The following KIF26A variants were observed in gnomAD, a reference collection of about 807,000 sequenced individuals.
KIF26A encodes kinesin family member 26A.
A neutral mutation model predicts 126.0 loss-of-function variants in KIF26A; 74 were observed. The ratio of observed to expected loss-of-function variants is 0.59; its 90% CI spans 0.49 to 0.71. KIF26A has a LOEUF of 0.71. KIF26A is among the 30% of genes least tolerant of loss of function. KIF26A has a pLI of 0.00. For missense variants in KIF26A, 2,984 were observed against 2,763.3 expected, an observed-to-expected ratio of 1.08 and a Z score of -1.79; for synonymous variants, 1,445 against 1,232.7, an observed-to-expected ratio of 1.17 and a Z score of -3.61.
chr14:104,173,414 A>C lies in KIF26A; in HGVS notation c.1768A>C (p.Ser590Arg), dbSNP rs780768027. The C allele has an allele frequency of 2.5e-6, 4 of 1,584,010 alleles. No homozygotes were observed. Among genetic ancestry groups the C allele is most frequent in the Admixed American group, 3.6e-5 (2 of 55,676 alleles). The change falls in exon 9 of 15, where the codon AGC becomes CGC. Residue 590 changes from serine (S) to arginine (R), a missense_variant. Coordinates refer to ENST00000423312, the MANE Select transcript of KIF26A (RefSeq NM_015656.2). ...TGCGGCCCTGGCGGCCCGCAGCACC[A>C]GCCGAGCGGGCTGTGGCGAGGACGC... ...LDAALAARST[S>R]RAGCGEDARR...
chr14:104,172,075 G>T, intron 6 of KIF26A, 140 bp downstream of exon 6: 1 of 808,888 alleles, frequency 1.2e-6, no homozygotes, highest in Non-Finnish European at 1.9e-6. Context: ...TGCGGCGCCT[G>T]CCTGCTTACC....
intron 4 of KIF26A, among the ~76,000 whole-genome samples, chr14:104,166,146 G>C (rs1162095383): frequency 6.6e-6 from 1 of 151,572 alleles, no homozygotes; most frequent in African/African-American, 2.4e-5. Context: ...GGCAGCGGGG[G>C]CACTTCCCAG....
Position 104,173,123 on chromosome 14 carries a change from G to T in KIF26A, c.1567G>T (p.Val523Leu). The T allele has an allele frequency of 6.2e-7, 1 of 1,608,440 alleles. No homozygotes were observed. The highest frequency in any genetic ancestry group is 1.1e-5 in the South Asian group (1 of 90,338). The change falls in exon 8 of 15, where the codon GTG becomes TTG. Residue 523 changes from valine (V) to leucine (L), a missense_variant. Physicochemically the swap from Val to Leu is conservative, Grantham distance 32 (BLOSUM62 1). Coordinates refer to ENST00000423312, the MANE Select transcript of KIF26A (RefSeq NM_015656.2). ...RFSVRVSAVE[V>L]CGRDQSLRDL... ...CTCCGTCCGGGTCTCAGCCGTGGAG[G>T]TGTGCGGGCGCGACCAGAGCCTGCG...
rs763339747 is a variant in KIF26A, at chr14:104,176,985, G to T, written c.4197G>T (p.Glu1399Asp). The change falls in exon 12 of 15, where the codon GAG (glutamate) becomes GAT (aspartate). Residue 1399 changes from glutamate to aspartate, a missense_variant. Physicochemically the swap from Glu to Asp is conservative, Grantham distance 45. Coordinates refer to ENST00000423312, the MANE Select transcript of KIF26A (RefSeq NM_015656.2). ...RVGAAAVLRG[E>D]EEPRPSSRAD... ...GGGCTGCTGCTGTCCTTCGAGGGGA[G>T]GAGGAGCCCAGACCCAGCAGCCGGG... 22 of 1,540,310 alleles carry T rather than the reference G, an allele frequency of 1.4e-5. No individual in the cohort carries two copies. The African/African-American group carries it at 3.0e-4, about 21-fold the overall frequency.
At chr14:104,179,494 G>A (rs1025190925) in intron 14 of KIF26A, 108 bp downstream of exon 14, 43 of 1,424,626 alleles carry the variant, frequency 3.0e-5, no homozygotes, top group Non-Finnish European at 3.9e-5. Flanking sequence ...TGGGAAGGCT[G>A]GAAGGCAGGG....
Position 104,177,333 on chromosome 14 carries a change from G to T in KIF26A, c.4545G>T (p.Val1515=). The change falls in exon 12 of 15, where the codon GTG becomes GTT. Residue 1515 remains valine, a synonymous_variant. Coordinates refer to ENST00000423312, the MANE Select transcript of KIF26A (RefSeq NM_015656.2). ...GGTCGCGGGCTCTGGGGCCTTCGGT[G>T]AAGCTGTCTACGGCCTCTGTGACGG... ...AGGSRALGPS[V]KLSTASVTGR... The T allele has an allele frequency of 6.6e-7, 1 of 1,520,444 alleles. No homozygotes were observed. The highest frequency in any genetic ancestry group is 1.3e-5 in the South Asian group (1 of 79,342). The allele number at this position is 1,520,444 out of a possible 1,614,324, so 94.2% of individuals were successfully genotyped here.
chr14:104,178,921 C>T (rs1418334473), intron 13 of KIF26A, among the ~76,000 whole-genome samples, 166 bp downstream of exon 13: 3 of 152,306 alleles, frequency 2.0e-5, no homozygotes, highest in South Asian at 2.1e-4. Flanking sequence ...GTAGGAGCGG[C>T]CCTGCCCAGC....
At chr14:104,155,535 G>A (rs1231523389) in intron 3 of KIF26A, among the ~76,000 whole-genome samples, 1 of 150,664 alleles carries the variant, frequency 6.6e-6, no homozygotes, top group Non-Finnish European at 1.5e-5. Flanking sequence ...CTGGCCGCCC[G>A]CCCCCCCTCT....
chr14:104,147,728 G>A (rs2037692235), intron 2 of KIF26A, among the ~76,000 whole-genome samples: 2 of 152,230 alleles, frequency 1.3e-5, no homozygotes, highest in Admixed American at 1.3e-4. Context: ...CGGAAACAGC[G>A]GCTGCTCGGG....
intron 2 of KIF26A, among the ~76,000 whole-genome samples, chr14:104,144,050 G>A (rs1195740039): frequency 1.3e-5 from 2 of 152,246 alleles, no homozygotes; most frequent in Non-Finnish European, 2.9e-5. Flanking sequence ...CAGCCTCGCT[G>A]TGCAGCCTCT....
rs771526037 is a variant in KIF26A at position 104,174,340 on chromosome 14, C to A, written c.2193+30C>A. On this transcript the variant is annotated intron_variant, in intron 11 of 14. Coordinates refer to ENST00000423312, the MANE Select transcript of KIF26A (RefSeq NM_015656.2). The stretch of plus-strand genomic sequence containing the variant: ...TCCCCACCTCCTGCCCGCCCCATCT[C>A]GGGGCCGTCTCGGCTCCTGTGTCCA... 6 of 1,494,270 alleles carry A rather than the reference C, an allele frequency of 4.0e-6. No homozygotes were observed. The Admixed American group carries it at 1.3e-4, about 32-fold the overall frequency. The allele number at this position is 1,494,270 out of a possible 1,614,324, so 92.6% of individuals were successfully genotyped here.
At chr14:104,172,165 G>T (rs1427010167) in intron 6 of KIF26A, among the ~76,000 whole-genome samples, 1 of 152,204 alleles carries the variant, frequency 6.6e-6, no homozygotes, top group Admixed American at 6.5e-5. Context: ...ACAGGGAAAG[G>T]CCTGGTTTTC....
At position 104,179,915 on chromosome 14, in the gene KIF26A, C is replaced by A; in HGVS notation, c.*125C>A. 1 of 1,022,440 alleles carries A rather than the reference C, an allele frequency of 9.8e-7. No individual in the cohort carries two copies. The highest frequency in any genetic ancestry group is 1.4e-6 in the Non-Finnish European group (1 of 732,928). 63.3% of individuals were successfully genotyped at this position (1,022,440 alleles called of 1,614,324 possible). A position where few individuals can be genotyped will look rare whatever the true frequency, so the allele number is the denominator to read the frequency against. ...AGGGGTTTCTGTGCAGGACGGGAGTCTCAGAGAGGAGACGGAGTGTGGGGG... is the reference window on the plus strand; with the variant it reads ...AGGGGTTTCTGTGCAGGACGGGAGTATCAGAGAGGAGACGGAGTGTGGGGG... On this transcript the variant is annotated 3_prime_UTR_variant, in exon 15 of 15. Transcript: ENST00000423312.
intron 5 of KIF26A, among the ~76,000 whole-genome samples, chr14:104,167,537 G>A (rs2037918719): frequency 6.6e-6 from 1 of 152,152 alleles, no homozygotes; most frequent in African/African-American, 2.4e-5. Flanking sequence ...GCCTGTGGAG[G>A]GCACAGGGCC....
chr14:104,149,085 G>C (rs2037704779), intron 2 of KIF26A, among the ~76,000 whole-genome samples: 1 of 152,206 alleles, frequency 6.6e-6, no homozygotes. Flanking sequence ...AGCCTGGCTG[G>C]TGTGATGGCT....
Position 104,176,787 on chromosome 14 carries a change from G to T in KIF26A, c.3999G>T (p.Ser1333=). 8.9e-6 allele frequency: 14 copies of T among 1,571,796 alleles called. No homozygotes were observed. Among genetic ancestry groups the T allele is most frequent in the Non-Finnish European group, 1.2e-5 (14 of 1,159,954 alleles). ...CTCCCACGGAGGTGGTGGCCTGCTCGGGGAGCCTGAAGGCCTCCCCCACCA... is the reference window on the plus strand; with the variant it reads ...CTCCCACGGAGGTGGTGGCCTGCTCTGGGAGCCTGAAGGCCTCCCCCACCA... ...GDAPTEVVAC[S]GSLKASPTSK... is the part of the protein sequence containing the mutation. The change falls in exon 12 of 15, where the codon TCG becomes TCT. Residue 1333 remains serine (S), a synonymous_variant. Coordinates refer to ENST00000423312, the MANE Select transcript of KIF26A (RefSeq NM_015656.2).
intron 3 of KIF26A, among the ~76,000 whole-genome samples, chr14:104,156,832 T>G (rs1018057319): frequency 1.8e-4 from 28 of 152,152 alleles, no homozygotes; most frequent in Non-Finnish European, 5.9e-5. Context: ...GGGACCCCAG[T>G]CCTCTGCTAG....
At chr14:104,150,283 G>A (rs1490764385) in intron 2 of KIF26A, among the ~76,000 whole-genome samples, 3 of 148,278 alleles carry the variant, frequency 2.0e-5, no homozygotes, top group African/African-American at 7.4e-5. Flanking sequence ...CTCCGAAGCA[G>A]CAGGAGGGAG....
chr14:104,172,680 TG>T lies in KIF26A; in HGVS notation c.1420+13del. On this transcript the variant is annotated intron_variant, in intron 7 of 14. Transcript: ENST00000423312. ...CCACATGAGCCTGGGTAAGCACCCT[TG>T]CCCCACCCTAGATGGGTCCTGCTGG... 6.2e-7 allele frequency: 1 copy of T among 1,600,502 alleles called. No individual in the cohort carries two copies. The highest frequency in any genetic ancestry group is 8.6e-7 in the Non-Finnish European group (1 of 1,169,362).
Sources: gnomAD v4.1 joint callset for allele counts (sites outside exome capture counted in the v4.1 genomes callset) on GRCh38, gnomAD v4.1.1 for gene constraint, MANE v1.5 for transcripts, NCBI Gene and HGNC (gene_info 2026-07-23, HGNC 2026-07-21) for gene names.